The following NXN variants were observed in gnomAD, a reference collection of about 807,000 sequenced individuals.
NXN encodes nucleoredoxin 1.
A neutral mutation model predicts 48.6 loss-of-function variants in NXN; 16 were observed. The ratio of observed to expected loss-of-function variants is 0.33; its 90% confidence interval spans 0.22 to 0.50. The LOEUF (loss-of-function observed/expected upper bound fraction) is 0.50, where lower values mean the gene tolerates loss of function less well. NXN is among the 20% of genes least tolerant of loss of function. NXN has a pLI of 0.98. For synonymous variants in NXN, 281 were observed against 269.6 expected (o/e 1.04, Z -0.41); for missense variants, 492 against 605.5 (o/e 0.81, Z 1.97).
intron 1 of NXN, among the ~76,000 whole-genome samples, chr17:882,264 C>G (rs2068292380): frequency 7.1e-6 from 1 of 141,288 alleles, no homozygotes; most frequent in Non-Finnish European, 1.6e-5. Context: ...CCCTGCCTTT[C>G]CCTGCCATGG....
chr17:939,930 G>A (rs1039536650), intron 1 of NXN, among the ~76,000 whole-genome samples: 1 of 146,408 alleles, frequency 6.8e-6, no homozygotes, highest in East Asian at 2.0e-4. Context: ...GTCAACTCCC[G>A]CTTCCAGTAT....
chr17:896,856 C>CGGGGGGGGGCG, intron 1 of NXN: 2 of 1,156,932 alleles, frequency 1.7e-6, no homozygotes, highest in Non-Finnish European at 2.2e-6. Context: ...CGGTCCTGAC[C>CGGGGGGGGGCG]ACCCGCCCCC....
chr17:915,583 A>T (rs539798949), intron 1 of NXN, among the ~76,000 whole-genome samples: 39 of 152,112 alleles, frequency 2.6e-4, no homozygotes, highest in African/African-American at 9.4e-4. Flanking sequence ...CCACACCTGG[A>T]CTCTAGGAAA....
At chr17:854,374 A>G (rs868471268) in intron 1 of NXN, among the ~76,000 whole-genome samples, 1 of 149,690 alleles carries the variant, frequency 6.7e-6, no homozygotes. Context: ...TTCAGCCGGG[A>G]GCGGTGGCTC....
intron 1 of NXN, among the ~76,000 whole-genome samples, chr17:876,197 A>T (rs2068212905): frequency 6.7e-6 from 1 of 149,074 alleles, no homozygotes; most frequent in South Asian, 2.1e-4. Flanking sequence ...AAAGAAAAAA[A>T]AGAAAAGAAA....
At chr17:822,285 A>G (rs943213782) in intron 4 of NXN, 72 bp downstream of exon 4, 10 of 1,149,710 alleles carry the variant, frequency 8.7e-6, no homozygotes, top group Non-Finnish European at 1.0e-5. Flanking sequence ...GTCTCAGAAA[A>G]AAAAGAAAAG....
At chr17:818,506 T>G (rs1912613682) in intron 5 of NXN, among the ~76,000 whole-genome samples, 1 of 152,162 alleles carries the variant, frequency 6.6e-6, no homozygotes, top group African/African-American at 2.4e-5. Flanking sequence ...TGGAGATCAC[T>G]CTCAAGTCTC....
At chr17:852,820 G>C (rs2067938648) in intron 1 of NXN, among the ~76,000 whole-genome samples, 1 of 151,814 alleles carries the variant, frequency 6.6e-6, no homozygotes, top group Admixed American at 6.6e-5. Context: ...GAAAGAGCTT[G>C]ACCAGAAGTG....
intron 1 of NXN, among the ~76,000 whole-genome samples, chr17:962,774 C>A (rs566560376): frequency 5.3e-4 from 81 of 152,272 alleles, no homozygotes; most frequent in Admixed American, 1.8e-3. Flanking sequence ...CATCTGAATG[C>A]GCTTGGAAGC....
At chr17:823,465 A>G (rs944671961) in intron 3 of NXN, among the ~76,000 whole-genome samples, 167 bp downstream of exon 3, 2 of 151,674 alleles carry the variant, frequency 1.3e-5, no homozygotes, top group African/African-American at 2.4e-5. Context: ...TGCTTTTTTC[A>G]TTCATAATCA....
intron 1 of NXN, among the ~76,000 whole-genome samples, chr17:927,270 C>CCAT (rs1028062506): frequency 5.4e-4 from 75 of 138,384 alleles, no homozygotes; most frequent in African/African-American, 1.9e-3. Context: ...GACAGAGACT[C>CCAT]CATCTCAAAA....
chr17:879,643 A>C (rs1217222676), intron 1 of NXN, among the ~76,000 whole-genome samples: 1 of 152,092 alleles, frequency 6.6e-6, no homozygotes, highest in Non-Finnish European at 1.5e-5. Context: ...GGGAAAGGAC[A>C]CGACTCATTG....
rs561062560 is a variant in NXN, at chr17:847,543, C to A, written c.361-21465G>T. On this transcript the variant is annotated intron_variant, in intron 1 of 7. Transcript: ENST00000336868. ...TGGGAATCCGGCAAGCCAGGCGTGTCCACAGCTCTGCAAACAGCCTCAGCC... is the reference window on the plus strand; with the variant it reads ...TGGGAATCCGGCAAGCCAGGCGTGTACACAGCTCTGCAAACAGCCTCAGCC... 3.3e-5 allele frequency among the ~76,000 whole-genome samples: 5 copies of A among 152,264 alleles called. No homozygotes were observed. In the East Asian group the frequency reaches 9.6e-4, roughly 29 times the overall value.
chr17:805,787 A>G (rs984445667), intron 5 of NXN, among the ~76,000 whole-genome samples: 9 of 152,130 alleles, frequency 5.9e-5, no homozygotes, highest in African/African-American at 1.9e-4. Flanking sequence ...GCAGTGAGCC[A>G]GGATTGCACC....
intron 1 of NXN, among the ~76,000 whole-genome samples, chr17:953,809 C>T (rs554432891): frequency 3.9e-5 from 6 of 152,200 alleles, no homozygotes; most frequent in South Asian, 2.1e-4. Flanking sequence ...TGGTGACACG[C>T]GCCTGTAGTC....
At chr17:843,336 C>T (rs987336043) in intron 1 of NXN, among the ~76,000 whole-genome samples, 4 of 152,202 alleles carry the variant, frequency 2.6e-5, no homozygotes, top group African/African-American at 7.2e-5. Flanking sequence ...CATGGCTCCG[C>T]GAGCCAGGAG....
intron 1 of NXN, among the ~76,000 whole-genome samples, chr17:939,955 TA>T (rs1289199898): frequency 3.5e-4 from 8 of 22,542 alleles, no homozygotes; most frequent in Non-Finnish European, 2.1e-3. Context: ...TTTTTTTTCT[TA>T]TTTTTTTTTT....
intron 1 of NXN, chr17:897,098 C>T (rs748532402): frequency 9.8e-6 from 10 of 1,022,610 alleles, no homozygotes; most frequent in Admixed American, 1.2e-4. Context: ...CCACGGCCAC[C>T]GCGCCCAAGA....
intron 1 of NXN, among the ~76,000 whole-genome samples, chr17:888,292 C>T (rs751752643): frequency 2.6e-5 from 4 of 152,186 alleles, no homozygotes; most frequent in Non-Finnish European, 5.9e-5. Flanking sequence ...AAGCACAGCT[C>T]ACTGCAACCT....
Sources: gnomAD v4.1 joint callset for allele counts (sites outside exome capture counted in the v4.1 genomes callset) on GRCh38, gnomAD v4.1.1 for gene constraint, MANE v1.5 for transcripts, NCBI Gene and HGNC (gene_info 2026-07-23, HGNC 2026-07-21) for gene names.